RBFOX1: variants seen among roughly 807,000 people sequenced by gnomAD.
RBFOX1 encodes the protein RNA binding fox-1 homolog 1.
Under a neutral mutation model 57.7 loss-of-function variants are expected in RBFOX1, and 8 were observed. The observed-to-expected ratio is 0.14, with a 90% CI of 0.08 to 0.25. The LOEUF (loss-of-function observed/expected upper bound fraction) is 0.25, where lower values mean the gene tolerates loss of function less well. RBFOX1 is among the 10% of genes least tolerant of loss of function. RBFOX1 has a pLI of 1.00. For synonymous variants in RBFOX1, 326 were observed against 222.4 expected, an observed-to-expected ratio of 1.47 and a Z score of -4.15; for missense variants, 611 against 548.5, an observed-to-expected ratio of 1.11 and a Z score of -1.14.
At chr16:6,084,049 C>G (rs1172144613) in intron 1 of RBFOX1, among the ~76,000 whole-genome samples, 1 of 152,144 alleles carries the variant, frequency 6.6e-6, no homozygotes, top group Non-Finnish European at 1.5e-5. Context: ...CTCAACTTTG[C>G]TACTCAACAC....
At chr16:6,186,236 A>G (rs2097104342) in intron 1 of RBFOX1, among the ~76,000 whole-genome samples, 1 of 152,182 alleles carries the variant, frequency 6.6e-6, no homozygotes, top group Non-Finnish European at 1.5e-5. Context: ...TCAGTCATTT[A>G]TAGACTGATT....
intron 4 of RBFOX1, among the ~76,000 whole-genome samples, chr16:7,289,462 A>G (rs1280285370): frequency 6.6e-6 from 1 of 151,394 alleles, no homozygotes; most frequent in Non-Finnish European, 1.5e-5. Context: ...CAGCAAGAGC[A>G]TCACTGTCAC....
At chr16:6,963,656 G>C (rs1420382985) in intron 3 of RBFOX1, among the ~76,000 whole-genome samples, 3 of 152,132 alleles carry the variant, frequency 2.0e-5, no homozygotes, top group Admixed American at 1.3e-4. Context: ...ATGTGGGAGG[G>C]AGGGATGAAG....
At chr16:6,356,443 A>T (rs772273655) in intron 2 of RBFOX1, among the ~76,000 whole-genome samples, 5 of 152,148 alleles carry the variant, frequency 3.3e-5, no homozygotes, top group Non-Finnish European at 7.3e-5. Flanking sequence ...GTCTTAAAAA[A>T]CTATTAATAT....
At chr16:7,053,092 C>T (rs1323725931) in intron 4 of RBFOX1, among the ~76,000 whole-genome samples, 3 of 152,188 alleles carry the variant, frequency 2.0e-5, no homozygotes, top group Non-Finnish European at 2.9e-5. Context: ...CTTTTCAGAG[C>T]ATTTACCTAA....
chr16:5,402,392 G>A (rs909466799), intron 1 of RBFOX1, among the ~76,000 whole-genome samples: 1 of 152,182 alleles, frequency 6.6e-6, no homozygotes, highest in Non-Finnish European at 1.5e-5. Context: ...GTGGAGAAGA[G>A]TGGAGACAAG....
At chr16:6,673,901 A>G (rs1266868760) in intron 3 of RBFOX1, among the ~76,000 whole-genome samples, 2 of 152,208 alleles carry the variant, frequency 1.3e-5, no homozygotes, top group African/African-American at 2.4e-5. Context: ...AGGAAGTGCC[A>G]TATTGGGAGG....
intron 4 of RBFOX1, chr16:7,332,827 G>C (rs2096716079): frequency 2.1e-6 from 3 of 1,429,080 alleles, no homozygotes; most frequent in Non-Finnish European, 2.7e-6. Context: ...CACATTAAGA[G>C]TTGCTGATGC....
intron 3 of RBFOX1, among the ~76,000 whole-genome samples, chr16:6,808,346 C>T (rs759930381): frequency 6.6e-6 from 1 of 152,036 alleles, no homozygotes; most frequent in South Asian, 2.1e-4. Flanking sequence ...ATGCCTACTT[C>T]ACTGAAGCAC....
intron 13 of RBFOX1, among the ~76,000 whole-genome samples, chr16:7,670,446 C>A (rs1482498289): frequency 1.3e-5 from 2 of 152,082 alleles, no homozygotes; most frequent in Admixed American, 6.5e-5. Context: ...AGCCCTGAGC[C>A]CACAAACTCA....
intron 2 of RBFOX1, among the ~76,000 whole-genome samples, chr16:6,638,087 T>C (rs1353624277): frequency 6.6e-6 from 1 of 152,124 alleles, no homozygotes; most frequent in South Asian, 2.1e-4. Flanking sequence ...ACAAAATATC[T>C]GTGTCATATG....
chr16:7,138,949 C>T (rs1297424275), intron 4 of RBFOX1, among the ~76,000 whole-genome samples: 1 of 152,104 alleles, frequency 6.6e-6, no homozygotes, highest in Non-Finnish European at 1.5e-5. Context: ...GCTAAGATTA[C>T]AGCCTCCTAC....
At chr16:5,625,030 C>T (rs1388509716) in intron 3 of RBFOX1, among the ~76,000 whole-genome samples, 2 of 152,082 alleles carry the variant, frequency 1.3e-5, no homozygotes, top group Admixed American at 6.5e-5. Flanking sequence ...CAGCAGTCAC[C>T]CTCCATAGGC....
intron 3 of RBFOX1, among the ~76,000 whole-genome samples, chr16:6,671,241 G>C (rs144950280): frequency 1.3e-5 from 2 of 152,234 alleles, no homozygotes; most frequent in Non-Finnish European, 2.9e-5. Context: ...TTAATCTTAA[G>C]GTAATGGCTT....
At chr16:6,612,617 C>T (rs576410015) in intron 2 of RBFOX1, among the ~76,000 whole-genome samples, 327 of 151,950 alleles carry the variant, frequency 2.2e-3, no homozygotes, top group Middle Eastern at 6.8e-3. Flanking sequence ...TTTGGAAGGC[C>T]GAGGCAGGTG....
chr16:7,153,565 C>G (rs1466338027), intron 4 of RBFOX1, among the ~76,000 whole-genome samples: 1 of 151,252 alleles, frequency 6.6e-6, no homozygotes, highest in Non-Finnish European at 1.5e-5. Context: ...GAAACCCCAT[C>G]TCTACTGAAA....
At chr16:7,572,703 G>T (rs1284261557) in intron 5 of RBFOX1, among the ~76,000 whole-genome samples, 1 of 152,160 alleles carries the variant, frequency 6.6e-6, no homozygotes, top group Non-Finnish European at 1.5e-5. Flanking sequence ...GCTGGGCGTA[G>T]TGGCTGGCGC....
chr16:7,546,680 CATT>C (rs2084647170), intron 5 of RBFOX1, among the ~76,000 whole-genome samples: 1 of 152,152 alleles, frequency 6.6e-6, no homozygotes, highest in Admixed American at 6.6e-5. Context: ...AATTCCGAGT[CATT>C]ATTCAATGAC....
chr16:7,455,507 C>T (rs1355788005), intron 4 of RBFOX1, among the ~76,000 whole-genome samples: 3 of 152,006 alleles, frequency 2.0e-5, no homozygotes, highest in African/African-American at 4.8e-5. Context: ...CTTATTCACA[C>T]TTGGCCGGGC....
Sources: gnomAD v4.1 joint callset for allele counts (sites outside exome capture counted in the v4.1 genomes callset) on GRCh38, gnomAD v4.1.1 for gene constraint, MANE v1.5 for transcripts, NCBI Gene and HGNC (gene_info 2026-07-23, HGNC 2026-07-21) for gene names.